The following NAPA variants were observed in gnomAD, a reference collection of about 807,000 sequenced individuals.
NAPA encodes the protein alpha-soluble NSF attachment protein.
Under a neutral mutation model 48.0 loss-of-function variants are expected in NAPA, and 18 were observed. That is an observed-to-expected ratio of 0.38 (90% CI 0.26 to 0.56). NAPA has a LOEUF of 0.56. Among genes scored for constraint, NAPA ranks in the 20% least tolerant of loss-of-function variants. The pLI, the probability that NAPA is intolerant of heterozygous loss-of-function variation, is 0.77. For synonymous variants in NAPA, 152 were observed against 149.9 expected (o/e 1.01, Z -0.10); for missense variants, 315 against 385.0 (o/e 0.82, Z 1.52).
In NAPA at chr19:47,503,492, T is replaced by C; in HGVS notation, c.109A>G (p.Lys37Glu). 2 of 1,614,234 alleles carry C rather than the reference T, an allele frequency of 1.2e-6. No individual in the cohort carries two copies. Among genetic ancestry groups the C allele is most frequent in the Non-Finnish European group, 1.7e-6 (2 of 1,180,028 alleles). Residue 37 changes from lysine (K) to glutamate (E), a missense_variant, in exon 2 of 11, where the codon AAA becomes GAA. By Grantham distance (56) the Lys-to-Glu change is moderately conservative. Coordinates refer to ENST00000263354, the MANE Select transcript of NAPA (RefSeq NM_003827.4). ...TAGATTTCGCATGCTTCCTCTATTT[T>C]GGATGAGCCTCTGGGGAAAAAGGAA... is the stretch of plus-strand genomic sequence containing the variant. ...FFSGLFGGSSKIEEACEIYAR... is the reference protein window; with the variant it reads ...FFSGLFGGSSEIEEACEIYAR...
intron 9 of NAPA, among the ~76,000 whole-genome samples, chr19:47,490,079 T>A (rs1310793092): frequency 6.8e-6 from 1 of 147,154 alleles, no homozygotes; most frequent in Non-Finnish European, 1.5e-5. Flanking sequence ...GTGTGTGGTG[T>A]GTGTGTTGGG....
intron 2 of NAPA, among the ~76,000 whole-genome samples, chr19:47,501,906 T>C (rs953046500): frequency 6.6e-6 from 1 of 152,142 alleles, no homozygotes; most frequent in African/African-American, 2.4e-5. Flanking sequence ...CCTTCCGGGT[T>C]TTCACTATAT....
rs73940877 is a variant in NAPA at position 47,514,728 on chromosome 19, G to T, written c.98+115C>A. Reference sequence around the variant, plus strand: ...CCTCAGGCCATGTCACCTTATTGCAGGTTCCTCTCCGTCCCCTCGGCCCGA... The same window carrying T: ...CCTCAGGCCATGTCACCTTATTGCATGTTCCTCTCCGTCCCCTCGGCCCGA... On this transcript the variant is annotated intron_variant, in intron 1 of 10. Coordinates refer to ENST00000263354, the MANE Select transcript of NAPA (RefSeq NM_003827.4). 4.2e-6 allele frequency: 4 copies of T among 963,342 alleles called. No individual in the cohort carries two copies. In the South Asian group the frequency reaches 4.5e-5, roughly 11 times the overall value. The allele number at this position is 963,342 out of a possible 1,614,324, so 59.7% of individuals were successfully genotyped here.
At chr19:47,502,663 G>A (rs1366174395) in intron 2 of NAPA, among the ~76,000 whole-genome samples, 1 of 152,156 alleles carries the variant, frequency 6.6e-6, no homozygotes, top group Non-Finnish European at 1.5e-5. Flanking sequence ...ATTCAATCTT[G>A]GTGACATGAA....
rs1968704510 is a variant in NAPA, at chr19:47,506,958, C to T, written c.99-3456G>A. 6.6e-6 allele frequency: 1 copy of T among 152,252 alleles called. No individual in the cohort carries two copies. The highest frequency in any genetic ancestry group is 6.5e-5 in the Admixed American group (1 of 15,288). The allele number at this position is 152,252 out of a possible 1,614,324, so 9.4% of individuals were successfully genotyped here. ...TGGAAGATCCTGAAGAAGCCATTCA[C>T]ATACACATTTATTCACCTGGGGAAC... On this transcript the variant is annotated intron_variant, in intron 1 of 10. Transcript: ENST00000263354. This position sits in a 1 kb window ranked among gnomAD's most constrained non-coding sequence, Gnocchi z 4.0.
chr19:47,502,237 C>CAAAAAAAAAAA (rs55762206), intron 2 of NAPA, among the ~76,000 whole-genome samples: 1 of 62,454 alleles, frequency 1.6e-5, no homozygotes, highest in Non-Finnish European at 2.7e-5. Context: ...AAGACTGTCT[C>CAAAAAAAAAAA]AAAAAAAAAA....
chr19:47,494,427 C>T (rs192834446), intron 4 of NAPA, among the ~76,000 whole-genome samples: 8 of 152,190 alleles, frequency 5.3e-5, no homozygotes, highest in Non-Finnish European at 1.0e-4. Context: ...CTGAGACAGA[C>T]AGGGCAAGCG....
intron 10 of NAPA, 115 bp downstream of exon 10, chr19:47,489,596 G>T: frequency 8.4e-7 from 1 of 1,188,878 alleles, no homozygotes; most frequent in Non-Finnish European, 1.2e-6. Context: ...ACTTCACAGT[G>T]GGCTGGGGGC....
intron 3 of NAPA, chr19:47,496,817 T>C (rs1568466416): frequency 1.4e-5 from 5 of 347,500 alleles, no homozygotes; most frequent in Admixed American, 8.0e-5. Flanking sequence ...AACCCCTCCT[T>C]CTGACATGTA....
At chr19:47,507,356 G>A (rs974175271) in intron 1 of NAPA, among the ~76,000 whole-genome samples, 2 of 152,200 alleles carry the variant, frequency 1.3e-5, no homozygotes, top group African/African-American at 4.8e-5. Flanking sequence ...GATGGGACCT[G>A]GGCCAGGGGG....
In NAPA at chr19:47,490,823, C is replaced by T. The variant is rs1313967014; in HGVS notation, c.700G>A (p.Ala234Thr). ...AVQKYEELFP[A>T]FSDSRECKLM... ...TTGCATTCCCGGGAATCAGAGAAAG[C>T]TGGGAACAGCTCCTCATACTTTTGG... Residue 234 changes from alanine (A) to threonine (T), a missense_variant, in exon 9 of 11, where the codon GCT (alanine) becomes ACT (threonine). This residue lies in a region of NAPA where 137 missense variants were observed against 150.1 expected (regional missense o/e 0.91). Transcript: ENST00000263354. 6.2e-7 allele frequency: 1 copy of T among 1,613,700 alleles called. No individual in the cohort carries two copies. The highest frequency in any genetic ancestry group is 8.5e-7 in the Non-Finnish European group (1 of 1,179,840).
In NAPA at chr19:47,515,037, G is replaced by T. The variant is rs1285992983; in HGVS notation, c.-97C>A. 5.5e-6 allele frequency: 7 copies of T among 1,280,076 alleles called. No individual in the cohort carries two copies. Among genetic ancestry groups the T allele is most frequent in the Non-Finnish European group, 7.6e-6 (7 of 922,594 alleles). 79.3% of individuals were successfully genotyped at this position (1,280,076 alleles called of 1,614,324 possible). ...GAACACAGATCGGTAAAACTCGCCC[G>T]GCTGCGTTGACGTCGCACCGGCGCG... On this transcript the variant is annotated 5_prime_UTR_variant, in exon 1 of 11. Coordinates refer to ENST00000263354, the MANE Select transcript of NAPA (RefSeq NM_003827.4).
intron 1 of NAPA, among the ~76,000 whole-genome samples, chr19:47,508,263 G>A (rs1413883733): frequency 6.6e-6 from 1 of 152,240 alleles, no homozygotes; most frequent in Admixed American, 6.5e-5. Flanking sequence ...GGGGCCACCA[G>A]CCCTGCTAGT....
chr19:47,509,628 T>A (rs1216511796), intron 1 of NAPA, among the ~76,000 whole-genome samples: 1 of 152,232 alleles, frequency 6.6e-6, no homozygotes, highest in Non-Finnish European at 1.5e-5. Flanking sequence ...TACTTCAGAA[T>A]AGCAGCATGG....
At chr19:47,494,764 A>C (rs1401182491) in intron 4 of NAPA, among the ~76,000 whole-genome samples, 4 of 137,368 alleles carry the variant, frequency 2.9e-5, no homozygotes, top group African/African-American at 1.0e-4. Context: ...AAAAAGAGAG[A>C]GAGAGAAAGC....
intron 2 of NAPA, among the ~76,000 whole-genome samples, chr19:47,501,203 G>C (rs1160980923): frequency 1.3e-5 from 2 of 152,160 alleles, no homozygotes; most frequent in Non-Finnish European, 2.9e-5. Flanking sequence ...CTCCCGGCCT[G>C]GGCAGTCCTC....
Position 47,493,277 on chromosome 19 carries a change from A to T in NAPA, c.421-103T>A. 6.7e-6 allele frequency: 10 copies of T among 1,490,032 alleles called. No homozygotes were observed. The highest frequency in any genetic ancestry group is 9.2e-6 in the Non-Finnish European group (10 of 1,085,414). The allele number at this position is 1,490,032 out of a possible 1,614,324, so 92.3% of individuals were successfully genotyped here. A position where few individuals can be genotyped will look rare whatever the true frequency, so the allele number is the denominator to read the frequency against. On this transcript the variant is annotated intron_variant, in intron 5 of 10. Coordinates refer to ENST00000263354, the MANE Select transcript of NAPA (RefSeq NM_003827.4). This position sits in a 1 kb window ranked among gnomAD's most constrained non-coding sequence, Gnocchi z 6.4. ...CGCCCTGCCTGCCTGGGACACAGCC[A>T]GACCCCATTCTCCAAGCTCTGCCGG...
In NAPA at chr19:47,507,227, A is replaced by G. The variant is rs148723787; in HGVS notation, c.99-3725T>C. Reference sequence around the variant, plus strand: ...CAGGGCTGTCTATAATTACCCGCTCAGCTTTGCTCTCTCCCCCTCCAAGGC... The same window carrying G: ...CAGGGCTGTCTATAATTACCCGCTCGGCTTTGCTCTCTCCCCCTCCAAGGC... On this transcript the variant is annotated intron_variant, in intron 1 of 10. Coordinates refer to ENST00000263354, the MANE Select transcript of NAPA (RefSeq NM_003827.4). Among the ~76,000 whole-genome samples the G allele has an allele frequency of 6.2e-3, 951 of 152,274 alleles. 15 individuals are homozygous for G. The highest frequency in any genetic ancestry group is 0.022 in the African/African-American group (905 of 41,536).
chr19:47,492,257 G>C, intron 7 of NAPA, 138 bp from the exon 8 acceptor site: 1 of 716,296 alleles, frequency 1.4e-6, no homozygotes, highest in African/African-American at 1.8e-5. Flanking sequence ...GACCCCAAGG[G>C]CAGGGAGCCA....
Sources: gnomAD v4.1 joint callset for allele counts (sites outside exome capture counted in the v4.1 genomes callset) on GRCh38, gnomAD v4.1.1 for gene constraint, gnomAD v4.1.1 regional missense constraint, Gnocchi (gnomAD v3.1) non-coding constraint, MANE v1.5 for transcripts, NCBI Gene and HGNC (gene_info 2026-07-23, HGNC 2026-07-21) for gene names.